Variants in EVI5 observed in about 807,000 individuals in gnomAD.
EVI5 encodes the protein ecotropic viral integration site 5 protein homolog.
EVI5 carries 73 observed loss-of-function variants against 112.0 expected under a neutral mutation model. That is an observed-to-expected ratio of 0.65 (90% CI 0.54 to 0.79). The LOEUF is 0.79. EVI5 is among the 30% of genes least tolerant of loss of function. EVI5 has a pLI of 0.00. For missense variants in EVI5, 900 were observed against 968.8 expected, an observed-to-expected ratio of 0.93 and a Z score of 0.94; for synonymous variants, 305 against 319.9, an observed-to-expected ratio of 0.95 and a Z score of 0.50.
At chr1:92,547,256 C>T (rs1333874103) in intron 19 of EVI5, among the ~76,000 whole-genome samples, 1 of 152,028 alleles carries the variant, frequency 6.6e-6, no homozygotes, top group East Asian at 1.9e-4. Context: ...CTACTGGGTA[C>T]GTAACGAAAT....
chr1:92,570,407 A>C (rs1670164303), intron 18 of EVI5, among the ~76,000 whole-genome samples: 1 of 152,184 alleles, frequency 6.6e-6, no homozygotes, highest in African/African-American at 2.4e-5. Flanking sequence ...ACTACTAGGA[A>C]GAAACCCGTC....
At chr1:92,702,806 CAA>C (rs374337779) in intron 4 of EVI5, among the ~76,000 whole-genome samples, 2 of 81,258 alleles carry the variant, frequency 2.5e-5, no homozygotes, top group African/African-American at 3.6e-5. Flanking sequence ...AACTCCATCT[CAA>C]AAAAAAAAAA....
rs60701144 is a variant in EVI5 at position 92,585,222 on chromosome 1, C to CAAA, written c.2070+20082_2070+20084dup. 8.5e-3 allele frequency among the ~76,000 whole-genome samples: 1,246 copies of CAAA among 146,198 alleles called. 13 individuals carry two copies. The highest frequency in any genetic ancestry group is 0.014 in the Middle Eastern group (4 of 284). On this transcript the variant is annotated intron_variant, in intron 18 of 19. Transcript: ENST00000684568. ...TAAGAGACAGAGTGAGACTCCATCTCAAAAAAAAAAAAAAATCAGCCCAGT... is the reference window on the plus strand; with the variant it reads ...TAAGAGACAGAGTGAGACTCCATCTCAAAAAAAAAAAAAAAAAATCAGCCCAGT...
rs200621237 is a variant in EVI5 at position 92,733,069 on chromosome 1, GA to G, written c.149+3328del. The stretch of plus-strand genomic sequence containing the variant: ...CTCCATTTTATTTAAAAAAAAAAAA[GA>G]AAAAAAAAATTAACAGCTAAGAAAT... On this transcript the variant is annotated intron_variant, in intron 2 of 19. Transcript: ENST00000684568. The G allele has an allele frequency of 6.8e-3, 1,341 of 196,462 alleles. 6 individuals are homozygous for G. The highest frequency in any genetic ancestry group is 0.015 in the Middle Eastern group (12 of 820). The allele number at this position is 196,462 out of a possible 1,614,324, so 12.2% of individuals were successfully genotyped here. A position where few individuals can be genotyped will look rare whatever the true frequency, so the allele number is the denominator to read the frequency against.
chr1:92,600,428 CAT>C (rs1648895225), intron 18 of EVI5, among the ~76,000 whole-genome samples: 1 of 152,114 alleles, frequency 6.6e-6, no homozygotes, highest in African/African-American at 2.4e-5. Flanking sequence ...CTCTGTACAT[CAT>C]GTTTCATAAT....
chr1:92,532,458 C>T (rs1279291076), intron 19 of EVI5, among the ~76,000 whole-genome samples: 1 of 152,164 alleles, frequency 6.6e-6, no homozygotes, highest in Non-Finnish European at 1.5e-5. Context: ...ACAGAACTCT[C>T]CACTCCAAAT....
intron 1 of EVI5, among the ~76,000 whole-genome samples, chr1:92,749,499 T>C (rs1356050769): frequency 6.6e-6 from 1 of 152,162 alleles, no homozygotes; most frequent in Non-Finnish European, 1.5e-5. Flanking sequence ...CTGCCTTGAA[T>C]ACCTCTATAT....
chr1:92,603,923 G>A (rs1649767609), intron 18 of EVI5, among the ~76,000 whole-genome samples: 1 of 151,920 alleles, frequency 6.6e-6, no homozygotes, highest in Admixed American at 6.6e-5. Flanking sequence ...TTTTTGTAGA[G>A]AGGGAGTCTC....
At chr1:92,778,958 G>GT (rs1684516887) in intron 1 of EVI5, among the ~76,000 whole-genome samples, 1 of 152,000 alleles carries the variant, frequency 6.6e-6, no homozygotes, top group African/African-American at 2.4e-5. Context: ...AGATTCTGAC[G>GT]TATTAGCAGC....
At chr1:92,587,566 G>A (rs1673022542) in intron 18 of EVI5, among the ~76,000 whole-genome samples, 1 of 152,052 alleles carries the variant, frequency 6.6e-6, no homozygotes, top group Non-Finnish European at 1.5e-5. Context: ...CTCCATCTCT[G>A]TCAAAACTAC....
chr1:92,518,095 G>A lies in EVI5; in HGVS notation c.2167-4125C>T, dbSNP rs548466015. Among the ~76,000 whole-genome samples, 94 of 151,818 alleles carry A rather than the reference G, an allele frequency of 6.2e-4. 1 individual carries two copies. In the South Asian group the frequency reaches 0.017, roughly 28 times the overall value. On this transcript the variant is annotated intron_variant, in intron 19 of 19. Coordinates refer to ENST00000684568, the MANE Select transcript of EVI5 (RefSeq NM_001350197.2). ...GTATTTTTTGTAGAGACGGGGTTTC[G>A]CCATTGTTGCCCAGCTGGTCTTGAA...
chr1:92,566,651 C>G (rs1477660839), intron 18 of EVI5, among the ~76,000 whole-genome samples: 1 of 151,912 alleles, frequency 6.6e-6, no homozygotes, highest in African/African-American at 2.4e-5. Context: ...AAGAGATATT[C>G]CAGAAGAAAG....
At chr1:92,773,362 C>T (rs1312907201) in intron 1 of EVI5, among the ~76,000 whole-genome samples, 1 of 152,024 alleles carries the variant, frequency 6.6e-6, no homozygotes, top group African/African-American at 2.4e-5. Context: ...ATTATTTTGA[C>T]CAAAAGAAGC....
intron 13 of EVI5, among the ~76,000 whole-genome samples, chr1:92,658,978 G>C (rs886773414): frequency 6.6e-6 from 1 of 152,042 alleles, no homozygotes; most frequent in Non-Finnish European, 1.5e-5. Context: ...CATACACTGA[G>C]AAAAGGACAC....
chr1:92,735,049 C>T (rs1438632292), intron 2 of EVI5, among the ~76,000 whole-genome samples: 2 of 152,124 alleles, frequency 1.3e-5, no homozygotes, highest in East Asian at 3.8e-4. Context: ...AATACAGGCC[C>T]TTTGAAAAAC....
intron 18 of EVI5, among the ~76,000 whole-genome samples, chr1:92,564,767 C>T (rs928737062): frequency 6.6e-6 from 1 of 151,614 alleles, no homozygotes; most frequent in African/African-American, 2.4e-5. Context: ...GCAACCTCTG[C>T]CACCTGGGTT....
chr1:92,710,753 TGG>T (rs36041506), intron 2 of EVI5, among the ~76,000 whole-genome samples: 2 of 12,558 alleles, frequency 1.6e-4, no homozygotes, highest in Admixed American at 7.1e-4. Context: ...AGATTGGGGT[TGG>T]GGGGGGGGTG....
chr1:92,660,031 A>G (rs185612900), intron 13 of EVI5, among the ~76,000 whole-genome samples: 1 of 152,044 alleles, frequency 6.6e-6, no homozygotes, highest in South Asian at 2.1e-4. Context: ...TAATGTATAC[A>G]CATGGACATA....
upstream of EVI5, among the ~76,000 whole-genome samples, chr1:92,785,925 CAA>C (rs36097015): frequency 1.4e-5 from 2 of 142,272 alleles, no homozygotes; most frequent in African/African-American, 2.6e-5. Flanking sequence ...ACTAAAAATA[CAA>C]AAAAAAAAAA....
Sources: allele counts gnomAD v4.1 joint callset (sites outside exome capture counted in the v4.1 genomes callset), GRCh38; gene constraint gnomAD v4.1.1; transcripts MANE v1.5; gene names NCBI Gene and HGNC (gene_info 2026-07-23, HGNC 2026-07-21).